Variants in TJP3 observed in about 807,000 individuals in gnomAD.
TJP3 encodes tight junction protein ZO-3.
TJP3 carries 85 observed loss-of-function variants against 104.2 expected under a neutral mutation model. The observed-to-expected ratio is 0.82, with a 90% CI of 0.68 to 0.98. The LOEUF is 0.98. Ranked by LOEUF, TJP3 falls within the 50% of genes least tolerant of loss-of-function variation. The probability of loss-of-function intolerance (pLI) is 0.00; values close to 1 mark genes in which losing one functional copy is unlikely to be tolerated. For missense variants in TJP3, 1,367 were observed against 1,322.8 expected (o/e 1.03, Z -0.52); for synonymous variants, 550 against 550.6 (o/e 1.00, Z 0.02).
At chr19:3,711,981 G>A (rs890972073) in intron 1 of TJP3, among the ~76,000 whole-genome samples, 7 of 151,914 alleles carry the variant, frequency 4.6e-5, no homozygotes, top group East Asian at 3.9e-4. Context: ...CCACCGACCC[G>A]GCCTCAGCAT....
chr19:3,718,392 A>G (rs184793111), intron 1 of TJP3, among the ~76,000 whole-genome samples: 136 of 139,620 alleles, frequency 9.7e-4, no homozygotes, highest in Non-Finnish European at 1.7e-3. Context: ...CAAGCCTCTT[A>G]TTTTAAAGAC....
At chr19:3,739,335 C>T (rs1388918112) in intron 13 of TJP3, among the ~76,000 whole-genome samples, 1 of 152,094 alleles carries the variant, frequency 6.6e-6, no homozygotes, top group Admixed American at 6.6e-5. Context: ...ACTAAAAATA[C>T]AAAAATTAGC....
intron 1 of TJP3, among the ~76,000 whole-genome samples, chr19:3,722,983 G>A (rs1434392914): frequency 6.6e-6 from 1 of 151,600 alleles, no homozygotes; most frequent in Admixed American, 6.6e-5. Flanking sequence ...CTGGGCGGGG[G>A]GCGGGGACAA....
At chr19:3,742,071 A>G (rs1423582952) in intron 14 of TJP3, among the ~76,000 whole-genome samples, 1 of 152,226 alleles carries the variant, frequency 6.6e-6, no homozygotes, top group East Asian at 1.9e-4. Context: ...TCCAACAGAA[A>G]TATGGTGCAA....
At chr19:3,749,025 A>ATT (rs34880669) in intron 19 of TJP3, among the ~76,000 whole-genome samples, 3 of 139,776 alleles carry the variant, frequency 2.1e-5, no homozygotes, top group Middle Eastern at 3.6e-3. Context: ...TGCCCAGCTA[A>ATT]TTTTTTTTTT....
At chr19:3,710,697 C>T (rs1013902997) in intron 1 of TJP3, among the ~76,000 whole-genome samples, 1 of 151,882 alleles carries the variant, frequency 6.6e-6, no homozygotes, top group African/African-American at 2.4e-5. Context: ...AGGGAGCGAA[C>T]GGGCATTTAT....
At chr19:3,743,895 C>T (rs747401040) in intron 14 of TJP3, 44 bp from the exon 15 acceptor site, 28 of 1,585,476 alleles carry the variant, frequency 1.8e-5, no homozygotes, top group East Asian at 1.6e-4. Context: ...AGTCTTTGAT[C>T]GCAAATGGGA....
chr19:3,712,132 G>A (rs565389121), intron 1 of TJP3, among the ~76,000 whole-genome samples: 9 of 152,198 alleles, frequency 5.9e-5, no homozygotes, highest in South Asian at 4.2e-4. Flanking sequence ...CCTGGCAAAC[G>A]TGGTGAAACT....
At chr19:3,721,953 G>T in intron 1 of TJP3, 1 of 1,039,306 alleles carries the variant, frequency 9.6e-7, no homozygotes, top group Non-Finnish European at 1.2e-6. Flanking sequence ...GGCTCGGGCT[G>T]AGGTGGGGTG....
intron 13 of TJP3, among the ~76,000 whole-genome samples, chr19:3,740,277 G>T (rs146243807): frequency 6.6e-6 from 1 of 151,524 alleles, no homozygotes; most frequent in Non-Finnish European, 1.5e-5. Flanking sequence ...GCGTGGTGGC[G>T]GGCACCTGTA....
chr19:3,720,082 G>A (rs892552244), intron 1 of TJP3, among the ~76,000 whole-genome samples: 2 of 152,016 alleles, frequency 1.3e-5, no homozygotes, highest in Non-Finnish European at 2.9e-5. Context: ...ACCCTGTGAT[G>A]TAGGGGCTAT....
chr19:3,734,409 C>CGAGGCCA lies in TJP3; in HGVS notation c.962_968dup (p.Ser323ArgfsTer30). The stretch of plus-strand genomic sequence containing the variant: ...CACCCCGGCATGCTCAGCGGAGCCC[C>CGAGGCCA]GAGGCCAGCCAGACCGACTCTCCCG... On this transcript the variant is annotated frameshift_variant, in exon 8 of 21. Transcript: ENST00000541714. LOFTEE classifies it high-confidence loss of function. 6.2e-7 allele frequency: 1 copy of CGAGGCCA among 1,611,278 alleles called. No individual in the cohort carries two copies. The highest frequency in any genetic ancestry group is 8.5e-7 in the Non-Finnish European group (1 of 1,179,360).
chr19:3,750,013 C>T (rs1285039850), intron 19 of TJP3, 125 bp from the exon 20 acceptor site: 1 of 1,217,026 alleles, frequency 8.2e-7, no homozygotes, highest in African/African-American at 1.5e-5. Context: ...GCAGACTTGT[C>T]ACGGGGTTAG....
chr19:3,740,188 C>T (rs531003829), intron 13 of TJP3, among the ~76,000 whole-genome samples: 1 of 151,832 alleles, frequency 6.6e-6, no homozygotes. Flanking sequence ...GCAGAGATTG[C>T]ACCGCTGCAC....
chr19:3,739,571 C>T (rs950782432), intron 13 of TJP3, among the ~76,000 whole-genome samples: 3 of 152,174 alleles, frequency 2.0e-5, no homozygotes, highest in Non-Finnish European at 2.9e-5. Context: ...AGGCTCTGGG[C>T]GGGCCCCATT....
At position 3,717,193 on chromosome 19, in the gene TJP3, A is replaced by G. The variant is rs1163872750; in HGVS notation, c.-10+8632A>G. Among the ~76,000 whole-genome samples, 27 of 145,064 alleles carry G rather than the reference A, an allele frequency of 1.9e-4. 4 individuals are homozygous for G. Among genetic ancestry groups the G allele is most frequent in the African/African-American group, 1.2e-4 (5 of 40,816 alleles). ...TTGGTCAGGCTGGTCTCGAACTCCC[A>G]ACCTCAGGTGATCCGCCCGCCTCGA... On this transcript the variant is annotated intron_variant, in intron 1 of 20. Coordinates refer to ENST00000541714, the MANE Select transcript of TJP3 (RefSeq NM_001267560.2).
Position 3,733,921 on chromosome 19 carries a change from C to T in TJP3, c.877+9C>T. The T allele has an allele frequency of 6.2e-7, 1 of 1,613,144 alleles. No homozygotes were observed. The highest frequency in any genetic ancestry group is 8.5e-7 in the Non-Finnish European group (1 of 1,179,532). ...CAGCTCGCCATTGGAGGGTGAGGACCTAGAGGTTAGGACCTGGGAGGGGGT... is the reference window on the plus strand; with the variant it reads ...CAGCTCGCCATTGGAGGGTGAGGACTTAGAGGTTAGGACCTGGGAGGGGGT... On this transcript the variant is annotated intron_variant, in intron 7 of 20. Coordinates refer to ENST00000541714, the MANE Select transcript of TJP3 (RefSeq NM_001267560.2).
chr19:3,735,372 G>C (rs548069398), intron 8 of TJP3, among the ~76,000 whole-genome samples, 194 bp from the exon 9 acceptor site: 1 of 151,844 alleles, frequency 6.6e-6, no homozygotes, highest in African/African-American at 2.4e-5. Context: ...GCTAATTTTT[G>C]TATTTTTGGA....
intron 1 of TJP3, among the ~76,000 whole-genome samples, chr19:3,712,836 C>G (rs1276037326): frequency 6.6e-6 from 1 of 151,818 alleles, no homozygotes; most frequent in Non-Finnish European, 1.5e-5. Context: ...GTGGCCCCAG[C>G]TACACAGGAG....
Sources: allele counts gnomAD v4.1 joint callset (sites outside exome capture counted in the v4.1 genomes callset), GRCh38; gene constraint gnomAD v4.1.1; transcripts MANE v1.5; gene names NCBI Gene and HGNC (gene_info 2026-07-23, HGNC 2026-07-21).